The following WNT5A variants were observed in gnomAD, a reference collection of about 807,000 sequenced individuals.
The protein encoded by WNT5A is Wnt family member 5A.
A neutral mutation model predicts 42.1 loss-of-function variants in WNT5A; 9 were observed. That is an observed-to-expected ratio of 0.21 (90% CI 0.13 to 0.37). The LOEUF (loss-of-function observed/expected upper bound fraction) is 0.37. Ranked by LOEUF, WNT5A falls within the 10% of genes least tolerant of loss-of-function variation. WNT5A has a pLI of 1.00. For missense variants in WNT5A, 426 were observed against 534.0 expected, an observed-to-expected ratio of 0.80 and a Z score of 1.99; for synonymous variants, 210 against 210.0, an observed-to-expected ratio of 1.00 and a Z score of 0.00.
chr3:55,480,850 G>C lies in WNT5A; in HGVS notation c.75C>G (p.Phe25Leu). ...AAAATATGGCCAAAGCCACTAGGAA[G>C]AACTTGGAAGACATTGCACTTCCAG... ...GMAGSAMSSK[F>L]FLVALAIFFS... The change falls in exon 2 of 5, where the codon TTC becomes TTG. Residue 25 changes from phenylalanine (F) to leucine (L), a missense_variant. Physicochemically the swap from Phe to Leu is conservative, Grantham distance 22. Around this residue, in one of 3 missense-constraint regions of WNT5A, gnomAD observed 62 missense variants for 49.0 expected, o/e 1.26. Coordinates refer to ENST00000264634, the MANE Select transcript of WNT5A (RefSeq NM_003392.7). 6.3e-7 allele frequency: 1 copy of C among 1,587,078 alleles called. No individual in the cohort carries two copies. The highest frequency in any genetic ancestry group is 1.2e-5 in the South Asian group (1 of 85,898).
the WNT5A span, among the ~76,000 whole-genome samples, chr3:55,503,122 C>T: frequency 4.6e-5 from 7 of 152,174 alleles, no homozygotes; most frequent in South Asian, 4.1e-4. Context: ...TTTACAGCCC[C>T]CAATATCCAG....
Position 55,479,163 on chromosome 3 carries a change from C to A in WNT5A, c.391+151G>T, listed in dbSNP as rs1225143017. On this transcript the variant is annotated intron_variant, in intron 3 of 4. Coordinates refer to ENST00000264634, the MANE Select transcript of WNT5A (RefSeq NM_003392.7). ...CAGGTGTAGGGACAGGAATTAACAT[C>A]ATTTGCTATAATGACAAAAATGCCC... The A allele has an allele frequency of 2.8e-5, 22 of 774,522 alleles. No homozygotes were observed. The East Asian group carries it at 3.1e-4, about 11-fold the overall frequency. 48.0% of individuals were successfully genotyped at this position (774,522 alleles called of 1,614,324 possible).
chr3:55,496,277 T>G, the WNT5A span, among the ~76,000 whole-genome samples: 1 of 152,208 alleles, frequency 6.6e-6, no homozygotes, highest in Non-Finnish European at 1.5e-5. Context: ...AGTTTAATCT[T>G]CAGTTCAGTG....
Position 55,470,524 on chromosome 3 carries a change from G to T in WNT5A, c.711C>A (p.Ala237=). 1 of 1,573,364 alleles carries T rather than the reference G, an allele frequency of 6.4e-7. No individual in the cohort carries two copies. Among genetic ancestry groups the T allele is most frequent in the Non-Finnish European group, 8.6e-7 (1 of 1,158,838 alleles). ...RRTVYNLADV[A]CKCHGVSGSC... ...AGCCGGACACCCCATGGCACTTGCA[G>T]GCCACATCAGCCAGGTTGTACACCG... Residue 237 remains alanine (A), a synonymous_variant, in exon 5 of 5, where the codon GCC becomes GCA. Transcript: ENST00000264634.
upstream of WNT5A, among the ~76,000 whole-genome samples, chr3:55,491,681 G>C (rs750068119): frequency 6.6e-6 from 1 of 152,204 alleles, no homozygotes; most frequent in Non-Finnish European, 1.5e-5. Flanking sequence ...GTGTTTTAAT[G>C]ATCTGCTGTA....
chr3:55,481,252 C>G (rs1426028282), intron 1 of WNT5A: 1 of 997,380 alleles, frequency 1.0e-6, no homozygotes, highest in South Asian at 4.6e-5. Flanking sequence ...TGGCCCCCCT[C>G]TAGTTGGTGC....
rs1368666220 is a variant in WNT5A, at chr3:55,475,394, C to T, written c.392-765G>A. Among the ~76,000 whole-genome samples the T allele has an allele frequency of 2.5e-4, 38 of 152,346 alleles. 1 individual carries two copies. Among genetic ancestry groups the T allele is most frequent in the Admixed American group, 2.4e-3 (37 of 15,310 alleles). Reference sequence around the variant, plus strand: ...TCATTTTGGCCTTGTGTCCCCTCCTCCTCTGGCAGTTGTAACCTCTCCTCC... The same window carrying T: ...TCATTTTGGCCTTGTGTCCCCTCCTTCTCTGGCAGTTGTAACCTCTCCTCC... On this transcript the variant is annotated intron_variant, in intron 3 of 4. Transcript: ENST00000264634.
intron 3 of WNT5A, among the ~76,000 whole-genome samples, chr3:55,475,655 A>AC (rs1207450425): frequency 3.9e-5 from 6 of 152,114 alleles, no homozygotes; most frequent in Non-Finnish European, 8.8e-5. Flanking sequence ...CCTTTGCCAC[A>AC]AAGTGTTAGA....
intron 2 of WNT5A, among the ~76,000 whole-genome samples, chr3:55,479,774 A>G (rs1348889476): frequency 6.6e-6 from 1 of 152,134 alleles, no homozygotes; most frequent in African/African-American, 2.4e-5. Flanking sequence ...CCATCCTGCC[A>G]TCTGGCTCCT....
the WNT5A span, among the ~76,000 whole-genome samples, chr3:55,496,540 T>C: frequency 6.6e-6 from 1 of 152,154 alleles, no homozygotes; most frequent in Non-Finnish European, 1.5e-5. Flanking sequence ...ATCTACTGAG[T>C]ATATACAGGA....
At chr3:55,472,712 G>A (rs2051276113) in intron 4 of WNT5A, among the ~76,000 whole-genome samples, 1 of 152,078 alleles carries the variant, frequency 6.6e-6, no homozygotes, top group Admixed American at 6.5e-5. Context: ...GTCCTTCCCC[G>A]GAACACCCAA....
intron 2 of WNT5A, among the ~76,000 whole-genome samples, chr3:55,480,043 CTG>C (rs1559556736): frequency 6.6e-6 from 1 of 152,126 alleles, no homozygotes. Context: ...AGTATACAGA[CTG>C]GAGAAAATTC....
In WNT5A at chr3:55,484,632, C is replaced by T. The variant is rs2051537932; in HGVS notation, c.6+2348G>A. On this transcript the variant is annotated intron_variant, in intron 1 of 4. Coordinates refer to ENST00000264634, the MANE Select transcript of WNT5A (RefSeq NM_003392.7). ...AAGAACGGTCTGGCCTGGTTCTCCT[C>T]TGTTTCCTGCCCCCTCGTCCATCCC... 2.0e-5 allele frequency among the ~76,000 whole-genome samples: 3 copies of T among 151,906 alleles called. No homozygotes were observed. The South Asian group carries it at 6.2e-4, about 32-fold the overall frequency.
Position 55,483,515 on chromosome 3 carries a change from G to A in WNT5A, c.7-2597C>T, listed in dbSNP as rs192066884. On this transcript the variant is annotated intron_variant, in intron 1 of 4. Coordinates refer to ENST00000264634, the MANE Select transcript of WNT5A (RefSeq NM_003392.7). This position sits in a 1 kb window ranked among gnomAD's most constrained non-coding sequence, Gnocchi z 4.2. ...ACCTCTGGGGAGACTGTCAACCCCA[G>A]GGGTAAAACAAAAATTCTGATCAGA... is the stretch of plus-strand genomic sequence containing the variant. 6.6e-6 allele frequency among the ~76,000 whole-genome samples: 1 copy of A among 152,318 alleles called. No individual in the cohort carries two copies. Among genetic ancestry groups the A allele is most frequent in the East Asian group, 1.9e-4 (1 of 5,180 alleles).
In WNT5A at chr3:55,466,385, A is replaced by C. The variant is rs1219512963; in HGVS notation, c.*3707T>G. 1 of 152,152 alleles carries C rather than the reference A, an allele frequency of 6.6e-6. No homozygotes were observed. Among genetic ancestry groups the C allele is most frequent in the African/African-American group, 2.4e-5 (1 of 41,444 alleles). The allele number at this position is 152,152 out of a possible 1,614,324, so 9.4% of individuals were successfully genotyped here. On this transcript the variant is annotated 3_prime_UTR_variant, in exon 5 of 5. Coordinates refer to ENST00000264634, the MANE Select transcript of WNT5A (RefSeq NM_003392.7). ...TAGCTAGTACCGGTCTCTTATTCAG[A>C]GTATTTACTCTGCTATAGCGTCATA...
chr3:55,473,490 G>C (rs1435438900), intron 4 of WNT5A, among the ~76,000 whole-genome samples: 8 of 152,186 alleles, frequency 5.3e-5, no homozygotes, highest in African/African-American at 1.9e-4. Flanking sequence ...TTTAACTATT[G>C]AGAAGTAGCT....
rs763073461 is a variant in WNT5A, at chr3:55,470,455, G to A, written c.780C>T (p.Arg260=). 2 of 1,610,318 alleles carry A rather than the reference G, an allele frequency of 1.2e-6. No homozygotes were observed. Among genetic ancestry groups the A allele is most frequent in the South Asian group, 2.2e-5 (2 of 90,336 alleles). The part of the protein sequence containing the change: ...KTCWLQLADF[R]KVGDALKEKY... The stretch of plus-strand genomic sequence containing the variant: ...TCTCCTTCAGGGCATCACCCACCTT[G>A]CGGAAGTCTGCCAGCTGCAGCCAGC... Residue 260 remains arginine (R), a synonymous_variant, in exon 5 of 5, where the codon CGC becomes CGT. Transcript: ENST00000264634.
chr3:55,490,894 T>G (rs1293992223), upstream of WNT5A, among the ~76,000 whole-genome samples: 1 of 152,176 alleles, frequency 6.6e-6, no homozygotes, highest in East Asian at 1.9e-4. Context: ...TTCCCAAAAT[T>G]TCCAACAAAA....
chr3:55,499,810 A>T, the WNT5A span, among the ~76,000 whole-genome samples: 1 of 152,122 alleles, frequency 6.6e-6, no homozygotes, highest in East Asian at 1.9e-4. Context: ...CCCCATCTCT[A>T]TTAAAAATAC....
Sources: allele counts gnomAD v4.1 joint callset (sites outside exome capture counted in the v4.1 genomes callset), GRCh38; gene constraint gnomAD v4.1.1; regional missense constraint gnomAD v4.1.1; non-coding constraint Gnocchi (gnomAD v3.1); transcripts MANE v1.5; gene names NCBI Gene and HGNC (gene_info 2026-07-23, HGNC 2026-07-21).